Variants in TACR1 observed in about 807,000 individuals in gnomAD.
The protein encoded by TACR1 is substance-P receptor.
A neutral mutation model predicts 35.8 loss-of-function variants in TACR1; 25 were observed. The ratio of observed to expected loss-of-function variants is 0.70; its 90% CI spans 0.51 to 0.98. The LOEUF is 0.98. Among genes scored for constraint, TACR1 ranks in the 50% least tolerant of loss-of-function variants. The pLI is 0.00. For missense variants in TACR1, 478 were observed against 522.9 expected, an observed-to-expected ratio of 0.91 and a Z score of 0.84; for synonymous variants, 195 against 206.7, an observed-to-expected ratio of 0.94 and a Z score of 0.48.
At chr2:75,061,785 G>T (rs1483939347) in intron 2 of TACR1, among the ~76,000 whole-genome samples, 2 of 152,216 alleles carry the variant, frequency 1.3e-5, no homozygotes. Context: ...CCTTCTGGTG[G>T]AGTCAATTCC....
chr2:75,196,093 G>A (rs1241107372), intron 1 of TACR1, among the ~76,000 whole-genome samples: 1 of 152,148 alleles, frequency 6.6e-6, no homozygotes, highest in East Asian at 1.9e-4. Flanking sequence ...AAGCCACATT[G>A]CTGTTATTTT....
Position 75,122,096 on chromosome 2 carries a change from C to T in TACR1, c.390-1328G>A, listed in dbSNP as rs576712073. On this transcript the variant is annotated intron_variant, in intron 1 of 4. Coordinates refer to ENST00000305249, the MANE Select transcript of TACR1 (RefSeq NM_001058.4). ...TCTGGGCTATAAGCTTGTAATTTCT[C>T]CAGGGAGAAAAGGTGCATCAATAAG... 3.3e-5 allele frequency among the ~76,000 whole-genome samples: 5 copies of T among 152,256 alleles called. No individual in the cohort carries two copies. In the East Asian group the frequency reaches 9.6e-4, roughly 29 times the overall value.
At position 75,198,913 on chromosome 2, in the gene TACR1, C is replaced by A. The variant is rs1676063533; in HGVS notation, c.22G>T (p.Asp8Tyr). Residue 8 changes from aspartate to tyrosine, a missense_variant, in exon 1 of 5, where the codon GAC (aspartate) becomes TAC (tyrosine). Coordinates refer to ENST00000305249, the MANE Select transcript of TACR1 (RefSeq NM_001058.4). ...GAGATGTTTGGGGAGAGGTCTGAGTCCACCGGGAGGACGTTATCCATTTCG... is the reference window on the plus strand; with the variant it reads ...GAGATGTTTGGGGAGAGGTCTGAGTACACCGGGAGGACGTTATCCATTTCG... MDNVLPV[D>Y]SDLSPNISTN... 1 of 1,613,462 alleles carries A rather than the reference C, an allele frequency of 6.2e-7. No individual in the cohort carries two copies. Among genetic ancestry groups the A allele is most frequent in the Non-Finnish European group, 8.5e-7 (1 of 1,180,020 alleles).
At chr2:75,116,436 T>C (rs1673860262) in intron 2 of TACR1, among the ~76,000 whole-genome samples, 1 of 152,154 alleles carries the variant, frequency 6.6e-6, no homozygotes, top group Admixed American at 6.5e-5. Flanking sequence ...TCCGTTCTAC[T>C]GATGATGGAT....
chr2:75,116,981 T>C (rs759539231), intron 2 of TACR1, among the ~76,000 whole-genome samples: 16 of 152,370 alleles, frequency 1.1e-4, no homozygotes, highest in Non-Finnish European at 1.9e-4. Context: ...AATGTTCTTA[T>C]TGCTTAGTTT....
intron 2 of TACR1, among the ~76,000 whole-genome samples, chr2:75,088,182 C>T (rs969584597): frequency 1.3e-5 from 2 of 152,146 alleles, no homozygotes; most frequent in South Asian, 4.1e-4. Context: ...CTTCTGTGGC[C>T]GCACTCAGCC....
chr2:75,131,358 G>C (rs540280533), intron 1 of TACR1, among the ~76,000 whole-genome samples: 14 of 152,206 alleles, frequency 9.2e-5, no homozygotes, highest in African/African-American at 3.4e-4. Context: ...AAAGTGCTGG[G>C]ATTACAGGTG....
At chr2:75,191,487 T>C (rs1314554053) in intron 1 of TACR1, among the ~76,000 whole-genome samples, 1 of 152,014 alleles carries the variant, frequency 6.6e-6, no homozygotes, top group Non-Finnish European at 1.5e-5. Context: ...GGAGGTAAGA[T>C]GGTAATGATA....
rs1315543340 is a variant in TACR1 at position 75,156,490 on chromosome 2, C to T, written c.390-35722G>A. On this transcript the variant is annotated intron_variant, in intron 1 of 4. Coordinates refer to ENST00000305249, the MANE Select transcript of TACR1 (RefSeq NM_001058.4). Reference sequence around the variant, plus strand: ...TGGTGGCAGGCCCCTGTGGTCCCAGCTACTCAGGAGGCTGAGGCAGGAGAA... The same window carrying T: ...TGGTGGCAGGCCCCTGTGGTCCCAGTTACTCAGGAGGCTGAGGCAGGAGAA... 1.3e-5 allele frequency among the ~76,000 whole-genome samples: 2 copies of T among 150,296 alleles called. 1 individual carries two copies. Among genetic ancestry groups the T allele is most frequent in the South Asian group, 4.2e-4 (2 of 4,710 alleles).
intron 1 of TACR1, chr2:75,154,401 A>AGCGCGCGCGCGCGCGTGCGCGCGC (rs142809732): frequency 1.3e-5 from 1 of 76,444 alleles, no homozygotes; most frequent in Non-Finnish European, 2.7e-5. Context: ...ATCAGCCAAG[A>AGCGCGCGCGCGCGCGTGCGCGCGC]GCGCGCACGC....
chr2:75,074,515 CTTG>C (rs1402386549), intron 2 of TACR1, among the ~76,000 whole-genome samples: 1 of 152,108 alleles, frequency 6.6e-6, no homozygotes, highest in African/African-American at 2.4e-5. Context: ...TTTGAAATGT[CTTG>C]TTAAGATGTC....
chr2:75,055,958 TAA>T (rs1672561329), intron 2 of TACR1, among the ~76,000 whole-genome samples: 1 of 152,226 alleles, frequency 6.6e-6, no homozygotes, highest in African/African-American at 2.4e-5. Context: ...ACCGCAAATG[TAA>T]AAGAGAATCA....
At chr2:75,090,064 A>T (rs569472909) in intron 2 of TACR1, among the ~76,000 whole-genome samples, 1 of 152,196 alleles carries the variant, frequency 6.6e-6, no homozygotes, top group Non-Finnish European at 1.5e-5. Flanking sequence ...TAAAACAAAT[A>T]TACTCCCCAC....
intron 2 of TACR1, among the ~76,000 whole-genome samples, chr2:75,074,600 T>C (rs1672942304): frequency 6.6e-6 from 1 of 152,150 alleles, no homozygotes; most frequent in Non-Finnish European, 1.5e-5. Context: ...TAATAAAAAG[T>C]AATATGACCC....
chr2:75,052,141 C>A (rs1279812373), intron 3 of TACR1, among the ~76,000 whole-genome samples: 1 of 152,146 alleles, frequency 6.6e-6, no homozygotes, highest in Non-Finnish European at 1.5e-5. Context: ...AAATCCTAAC[C>A]CCTAAGGTGA....
intron 1 of TACR1, among the ~76,000 whole-genome samples, chr2:75,134,701 C>T (rs1208994982): frequency 6.6e-6 from 1 of 152,196 alleles, no homozygotes; most frequent in Non-Finnish European, 1.5e-5. Context: ...TAATCTGTTT[C>T]AACATTTCAT....
At chr2:75,053,777 A>G (rs1573456959) in intron 2 of TACR1, 22 bp from the exon 3 acceptor site, 1 of 1,614,132 alleles carries the variant, frequency 6.2e-7, no homozygotes, top group African/African-American at 1.3e-5. Flanking sequence ...TAAACAGGAA[A>G]GGTCAGTATG....
intron 1 of TACR1, among the ~76,000 whole-genome samples, chr2:75,186,514 C>T (rs1409199521): frequency 6.6e-6 from 1 of 150,556 alleles, no homozygotes; most frequent in Non-Finnish European, 1.5e-5. Flanking sequence ...GTTGCTAATT[C>T]TCTTTAATAA....
At chr2:75,162,342 G>A (rs1268401708) in intron 1 of TACR1, among the ~76,000 whole-genome samples, 1 of 152,180 alleles carries the variant, frequency 6.6e-6, no homozygotes, top group African/African-American at 2.4e-5. Flanking sequence ...CAAAATGGCA[G>A]AATCTTTAAA....
Sources: gnomAD v4.1 joint callset for allele counts (sites outside exome capture counted in the v4.1 genomes callset) on GRCh38, gnomAD v4.1.1 for gene constraint, MANE v1.5 for transcripts, NCBI Gene and HGNC (gene_info 2026-07-23, HGNC 2026-07-21) for gene names.